Variants in SPMAP2L observed in about 807,000 individuals in gnomAD.
SPMAP2L encodes sperm microtubule associated protein 2-like.
the SPMAP2L span, among the ~76,000 whole-genome samples, chr4:56,619,884 AAAAC>A: frequency 6.6e-6 from 1 of 152,222 alleles, no homozygotes; most frequent in African/African-American, 2.4e-5. Context: ...AACAAAAACA[AAAAC>A]AAAAACAGAA....
chr4:56,609,225 T>C, the SPMAP2L span, among the ~76,000 whole-genome samples: 3 of 152,074 alleles, frequency 2.0e-5, no homozygotes, highest in East Asian at 5.8e-4. Context: ...GTATTTTTAG[T>C]AGAGGCAGGG....
chr4:56,567,463 T>G, the SPMAP2L span, among the ~76,000 whole-genome samples: 6 of 136,146 alleles, frequency 4.4e-5, no homozygotes, highest in African/African-American at 1.7e-4. Flanking sequence ...TTTTTTTTTT[T>G]TTTTTTAGTA....
At chr4:56,551,535 C>T in the SPMAP2L span, among the ~76,000 whole-genome samples, 8 of 152,102 alleles carry the variant, frequency 5.3e-5, no homozygotes, top group Non-Finnish European at 1.2e-4. Flanking sequence ...CTACTCATTT[C>T]GATATGGTTT....
the SPMAP2L span, among the ~76,000 whole-genome samples, chr4:56,572,506 A>T: frequency 6.6e-6 from 1 of 152,196 alleles, no homozygotes; most frequent in Non-Finnish European, 1.5e-5. Context: ...GAGTGCTCCT[A>T]ACACAGGACC....
chr4:56,609,839 G>C, the SPMAP2L span, among the ~76,000 whole-genome samples: 2 of 152,160 alleles, frequency 1.3e-5, no homozygotes, highest in Non-Finnish European at 2.9e-5. Context: ...CCAGTGTCTT[G>C]ATTTTGAACT....
At chr4:56,590,019 T>A in the SPMAP2L span, among the ~76,000 whole-genome samples, 1 of 152,166 alleles carries the variant, frequency 6.6e-6, no homozygotes. Flanking sequence ...CTTTCTCTTG[T>A]CTGATTGCTT....
chr4:56,617,589 G>A, the SPMAP2L span, among the ~76,000 whole-genome samples: 2 of 152,160 alleles, frequency 1.3e-5, no homozygotes, highest in Admixed American at 6.5e-5. Context: ...GCAGTGTCTA[G>A]GGGTGCCGTT....
the SPMAP2L span, chr4:56,595,056 C>T: frequency 1.2e-5 from 20 of 1,610,314 alleles, no homozygotes; most frequent in East Asian, 3.8e-4. Flanking sequence ...TGGGAACCGT[C>T]AGTGCGGCCC....
the SPMAP2L span, among the ~76,000 whole-genome samples, chr4:56,574,180 G>T: frequency 2.0e-5 from 3 of 152,178 alleles, no homozygotes; most frequent in Non-Finnish European, 4.4e-5. Context: ...AGCACTCTGG[G>T]AGGCTGAGAC....
chr4:56,594,089 G>A, the SPMAP2L span: 1 of 1,608,544 alleles, frequency 6.2e-7, no homozygotes, highest in Admixed American at 1.7e-5. Flanking sequence ...AACAGTCAAT[G>A]AAAAAGATCT....
At chr4:56,538,854 T>G in the SPMAP2L span, among the ~76,000 whole-genome samples, 1 of 152,164 alleles carries the variant, frequency 6.6e-6, no homozygotes. Flanking sequence ...ACCTTCTCAA[T>G]TTGTCTTCTA....
the SPMAP2L span, among the ~76,000 whole-genome samples, chr4:56,569,700 A>T: frequency 6.6e-6 from 1 of 152,102 alleles, no homozygotes; most frequent in Admixed American, 6.6e-5. Context: ...TCAGCTACTC[A>T]GGAGGCTAAG....
At chr4:56,571,926 T>C in the SPMAP2L span, among the ~76,000 whole-genome samples, 1 of 152,156 alleles carries the variant, frequency 6.6e-6, no homozygotes, top group Non-Finnish European at 1.5e-5. Flanking sequence ...CTCCACATCT[T>C]GTCTCACTAG....
At chr4:56,619,180 G>A in the SPMAP2L span, among the ~76,000 whole-genome samples, 1 of 152,138 alleles carries the variant, frequency 6.6e-6, no homozygotes, top group Non-Finnish European at 1.5e-5. Context: ...TGCAATAAAA[G>A]TTATGTAAAT....
At chr4:56,565,138 G>A in the SPMAP2L span, among the ~76,000 whole-genome samples, 6 of 152,170 alleles carry the variant, frequency 3.9e-5, no homozygotes, top group African/African-American at 1.4e-4. Flanking sequence ...GTATTTTGCT[G>A]TAATGGGTAA....
the SPMAP2L span, among the ~76,000 whole-genome samples, chr4:56,618,067 G>C: frequency 1.6e-3 from 237 of 152,258 alleles, no homozygotes; most frequent in African/African-American, 5.3e-3. Flanking sequence ...TGGCCAGGGT[G>C]GTCTTGGAAG....
chr4:56,556,241 G>A, the SPMAP2L span, among the ~76,000 whole-genome samples: 1 of 152,296 alleles, frequency 6.6e-6, no homozygotes, highest in East Asian at 1.9e-4. Flanking sequence ...GAGAAATAGT[G>A]ATAGCCTATC....
At chr4:56,609,565 A>T in the SPMAP2L span, among the ~76,000 whole-genome samples, 3 of 152,198 alleles carry the variant, frequency 2.0e-5, no homozygotes, top group Admixed American at 1.3e-4. Flanking sequence ...ATTTGGGGGA[A>T]CCGGAGGCAA....
chr4:56,545,895 C>T, the SPMAP2L span, among the ~76,000 whole-genome samples: 1 of 151,990 alleles, frequency 6.6e-6, no homozygotes, highest in Non-Finnish European at 1.5e-5. Flanking sequence ...TGGGTTCAAG[C>T]GATTCTCCTG....
Sources: allele counts gnomAD v4.1 joint callset (sites outside exome capture counted in the v4.1 genomes callset), GRCh38; gene constraint gnomAD v4.1.1; transcripts MANE v1.5; gene names NCBI Gene and HGNC (gene_info 2026-07-23, HGNC 2026-07-21).